The following SYNJ1 variants were observed in gnomAD, a reference collection of about 807,000 sequenced individuals.
SYNJ1 encodes polyphosphatidylinositol phosphatase SYNJ1.
Under a neutral mutation model 168.2 loss-of-function variants are expected in SYNJ1, and 78 were observed. The ratio of observed to expected loss-of-function variants is 0.46; its 90% confidence interval spans 0.39 to 0.56. The LOEUF (loss-of-function observed/expected upper bound fraction) is 0.56, where lower values mean the gene tolerates loss of function less well. Among genes scored for constraint, SYNJ1 ranks in the 20% least tolerant of loss-of-function variants. The pLI is 0.00. For missense variants in SYNJ1, 1,303 were observed against 1,597.6 expected, an observed-to-expected ratio of 0.82 and a Z score of 3.14; for synonymous variants, 539 against 548.6, an observed-to-expected ratio of 0.98 and a Z score of 0.24.
At chr21:32,643,585 T>C in intron 26 of SYNJ1, 128 bp from the exon 27 acceptor site, 1 of 903,132 alleles carries the variant, frequency 1.1e-6, no homozygotes. Flanking sequence ...GCTTTAAATT[T>C]CTTCAAAGAT....
intron 13 of SYNJ1, among the ~76,000 whole-genome samples, chr21:32,675,390 A>T (rs1477252390): frequency 1.3e-5 from 2 of 152,162 alleles, no homozygotes; most frequent in African/African-American, 2.4e-5. Flanking sequence ...GAGAGTCAAA[A>T]AAATAAAATA....
chr21:32,693,621 A>C (rs191838450), intron 6 of SYNJ1, among the ~76,000 whole-genome samples: 242 of 152,348 alleles, frequency 1.6e-3, no homozygotes, highest in South Asian at 8.3e-3. Flanking sequence ...TTCAAGGACT[A>C]ATAAATTTTG....
intron 14 of SYNJ1, among the ~76,000 whole-genome samples, chr21:32,672,547 C>T (rs770187419): frequency 2.6e-5 from 4 of 151,972 alleles, no homozygotes; most frequent in South Asian, 2.1e-4. Flanking sequence ...ACCATGTTGG[C>T]GAGGCTGATC....
At position 32,670,323 on chromosome 21, in the gene SYNJ1, C is replaced by G; in HGVS notation, c.1776G>C (p.Met592Ile). ...TDIFAIGFEE[M>I]VELNAGNIVS... ...CAATGTTTCCAGCATTCAATTCTAC[C>G]ATTTCTTCAAAACCAATTGCAAATA... Residue 592 changes from methionine (M) to isoleucine (I), a missense_variant, in exon 15 of 33, where the codon ATG (methionine) becomes ATC (isoleucine). Transcript: ENST00000674351. 6.2e-7 allele frequency: 1 copy of G among 1,613,544 alleles called. No homozygotes were observed. Among genetic ancestry groups the G allele is most frequent in the Non-Finnish European group, 8.5e-7 (1 of 1,179,782 alleles).
chr21:32,670,879 T>A, intron 14 of SYNJ1: 2 of 881,804 alleles, frequency 2.3e-6, no homozygotes, highest in Non-Finnish European at 2.7e-6. Context: ...ATCCAGAAAG[T>A]AAGACACATC....
chr21:32,701,088 T>C (rs1347710635), intron 3 of SYNJ1, among the ~76,000 whole-genome samples: 1 of 152,208 alleles, frequency 6.6e-6, no homozygotes, highest in Non-Finnish European at 1.5e-5. Context: ...GAACCTGAGA[T>C]ATCATCTCTT....
intron 6 of SYNJ1, among the ~76,000 whole-genome samples, chr21:32,691,833 C>A (rs1344417453): frequency 6.6e-6 from 1 of 152,146 alleles, no homozygotes; most frequent in African/African-American, 2.4e-5. Flanking sequence ...ACAGGAAGAA[C>A]TCAAGTATTT....
At chr21:32,662,601 A>C (rs2040758256) in intron 18 of SYNJ1, among the ~76,000 whole-genome samples, 1 of 152,252 alleles carries the variant, frequency 6.6e-6, no homozygotes, top group South Asian at 2.1e-4. Flanking sequence ...AGGGGTGCCC[A>C]AACGCATAAT....
chr21:32,681,592 A>G lies in SYNJ1; in HGVS notation c.1257T>C (p.Thr419=). 2 of 1,613,924 alleles carry G rather than the reference A, an allele frequency of 1.2e-6. No homozygotes were observed. Among genetic ancestry groups the G allele is most frequent in the Non-Finnish European group, 1.7e-6 (2 of 1,179,858 alleles). ...LGLAEKPQLV[T]RFQEVFRSMW... Reference sequence around the variant, plus strand: ...TTGACCGAAAAACTTCTTGAAAGCGAGTCACCAACTGAGGCTTTTCAGCTA... The same window carrying G: ...TTGACCGAAAAACTTCTTGAAAGCGGGTCACCAACTGAGGCTTTTCAGCTA... Residue 419 remains threonine (T), a synonymous_variant, in exon 11 of 33, where the codon ACT becomes ACC. Coordinates refer to ENST00000674351, the MANE Select transcript of SYNJ1 (RefSeq NM_203446.3).
intron 2 of SYNJ1, among the ~76,000 whole-genome samples, chr21:32,720,638 GA>G (rs1368725069): frequency 6.6e-6 from 1 of 152,108 alleles, no homozygotes; most frequent in African/African-American, 2.4e-5. Context: ...TATGCTACTT[GA>G]AAAGCCTGAA....
At chr21:32,632,129 A>T (rs1267938551) in intron 32 of SYNJ1, among the ~76,000 whole-genome samples, 2 of 152,232 alleles carry the variant, frequency 1.3e-5, no homozygotes, top group Non-Finnish European at 2.9e-5. Flanking sequence ...CAGTTCTATC[A>T]CATTTCAGCA....
At chr21:32,708,738 C>T (rs530261712) in intron 2 of SYNJ1, among the ~76,000 whole-genome samples, 3 of 151,840 alleles carry the variant, frequency 2.0e-5, no homozygotes, top group Admixed American at 6.5e-5. Flanking sequence ...CACCATCTTT[C>T]ATTCATACCT....
rs2040512998 is a variant in SYNJ1 at position 32,657,705 on chromosome 21, C to T, written c.2461+11G>A. On this transcript the variant is annotated intron_variant, in intron 19 of 32. Transcript: ENST00000674351. Reference sequence around the variant, plus strand: ...ATTAGTTCATTTAAATAAAGAAGCCCATTTCCCAACCTGATCTATCAAAAG... The same window carrying T: ...ATTAGTTCATTTAAATAAAGAAGCCTATTTCCCAACCTGATCTATCAAAAG... 6.3e-7 allele frequency: 1 copy of T among 1,575,218 alleles called. No individual in the cohort carries two copies. The highest frequency in any genetic ancestry group is 8.6e-7 in the Non-Finnish European group (1 of 1,166,842).
At chr21:32,651,782 G>C (rs2040278511) in intron 22 of SYNJ1, among the ~76,000 whole-genome samples, 1 of 152,120 alleles carries the variant, frequency 6.6e-6, no homozygotes, top group South Asian at 2.1e-4. Flanking sequence ...ATTAAGAATA[G>C]GAAATAATCT....
chr21:32,645,686 G>T lies in SYNJ1; in HGVS notation c.3351C>A (p.Pro1117=). The T allele has an allele frequency of 6.6e-7, 1 of 1,507,826 alleles. No homozygotes were observed. The highest frequency in any genetic ancestry group is 2.4e-5 in the East Asian group (1 of 42,112). 93.4% of individuals were successfully genotyped at this position (1,507,826 alleles called of 1,614,324 possible). ...GTCTCTGTGGGGGAGCCGGGCGTGT[G>T]GGAGGGGCGACCGGGCGGGGCGGCG... ...RPPPPRPVAP[P]TRPAPPQRPP... The change falls in exon 25 of 33, where the codon CCC becomes CCA. Residue 1117 remains proline (P), a synonymous_variant. Transcript: ENST00000674351.
chr21:32,712,587 T>C (rs1278657360), intron 2 of SYNJ1, among the ~76,000 whole-genome samples: 4 of 152,144 alleles, frequency 2.6e-5, no homozygotes, highest in Admixed American at 2.0e-4. Flanking sequence ...GAAGTATTTA[T>C]TGAATGCCTA....
intron 2 of SYNJ1, among the ~76,000 whole-genome samples, chr21:32,719,438 G>C (rs1019113923): frequency 6.6e-6 from 1 of 152,222 alleles, no homozygotes; most frequent in Non-Finnish European, 1.5e-5. Flanking sequence ...TGCAGGCTGG[G>C]AGCAGTGGCT....
chr21:32,659,021 G>C (rs1011287721), intron 18 of SYNJ1, among the ~76,000 whole-genome samples: 15 of 151,938 alleles, frequency 9.9e-5, no homozygotes, highest in African/African-American at 3.6e-4. Context: ...GCCTGAAAAG[G>C]TAATGTGGTG....
intron 4 of SYNJ1, among the ~76,000 whole-genome samples, chr21:32,696,356 A>C (rs1174697654): frequency 1.3e-5 from 2 of 152,204 alleles, no homozygotes; most frequent in Non-Finnish European, 2.9e-5. Flanking sequence ...TATTCAAACA[A>C]ACATGCAGAA....
Sources: allele counts gnomAD v4.1 joint callset (sites outside exome capture counted in the v4.1 genomes callset), GRCh38; gene constraint gnomAD v4.1.1; transcripts MANE v1.5; gene names NCBI Gene and HGNC (gene_info 2026-07-23, HGNC 2026-07-21).